TRIP12: variants seen among roughly 807,000 people sequenced by gnomAD.
TRIP12 encodes E3 ubiquitin-protein ligase TRIP12.
In TRIP12, 25 loss-of-function variants were observed where a neutral mutation model predicts 244.2. That is an observed-to-expected ratio of 0.10 (90% CI 0.07 to 0.14). The LOEUF is 0.14. Among genes scored for constraint, TRIP12 ranks in the 10% least tolerant of loss-of-function variants. TRIP12 has a pLI of 1.00. For missense variants in TRIP12, 1,677 were observed against 2,486.4 expected, an observed-to-expected ratio of 0.67 and a Z score of 6.92; for synonymous variants, 905 against 873.1, an observed-to-expected ratio of 1.04 and a Z score of -0.64.
chr2:229,815,494 T>C (rs565351349), intron 9 of TRIP12, among the ~76,000 whole-genome samples, 186 bp from the exon 10 acceptor site: 6 of 151,522 alleles, frequency 4.0e-5, no homozygotes, highest in Non-Finnish European at 8.8e-5. Flanking sequence ...GGATGGTTCA[T>C]CACACACGGT....
At chr2:229,877,507 T>A (rs1236448034) in intron 2 of TRIP12, among the ~76,000 whole-genome samples, 1 of 152,212 alleles carries the variant, frequency 6.6e-6, no homozygotes, top group African/African-American at 2.4e-5. Flanking sequence ...CACTCCGGCC[T>A]GAGTGACAGA....
At chr2:229,858,735 T>G in intron 4 of TRIP12, 37 bp downstream of exon 4, 1 of 1,517,368 alleles carries the variant, frequency 6.6e-7, no homozygotes, top group Non-Finnish European at 8.8e-7. Context: ...AGAGAAACTT[T>G]CTTTAATTAA....
intron 14 of TRIP12, 22 bp from the exon 15 acceptor site, chr2:229,811,067 G>A (rs181455200): frequency 1.9e-6 from 3 of 1,613,516 alleles, no homozygotes; most frequent in Middle Eastern, 3.3e-4. Flanking sequence ...CAAGAATAAA[G>A]GAATTATTAC....
At chr2:229,852,772 G>T (rs145769673) in intron 4 of TRIP12, among the ~76,000 whole-genome samples, 2 of 152,208 alleles carry the variant, frequency 1.3e-5, no homozygotes, top group African/African-American at 4.8e-5. Context: ...GTGCCTCGCC[G>T]GGAACTTGTT....
chr2:229,768,529 AG>A, intron 41 of TRIP12, 86 bp downstream of exon 41: 1 of 1,224,638 alleles, frequency 8.2e-7, no homozygotes, highest in Non-Finnish European at 1.2e-6. Context: ...AGTGAGATAA[AG>A]AATCTCCTGC....
intron 1 of TRIP12, among the ~76,000 whole-genome samples, chr2:229,903,889 G>A (rs989517153): frequency 6.7e-6 from 1 of 149,228 alleles, no homozygotes; most frequent in African/African-American, 2.5e-5. Flanking sequence ...AAAAAAATTA[G>A]CCAGGCATCG....
Position 229,804,146 on chromosome 2 carries a change from T to C in TRIP12, c.2732A>G (p.Lys911Arg). 6.2e-7 allele frequency: 1 copy of C among 1,614,132 alleles called. No homozygotes were observed. The highest frequency in any genetic ancestry group is 8.5e-7 in the Non-Finnish European group (1 of 1,180,004). Reference sequence around the variant, plus strand: ...TTCATAAAGAACACCAAATAATGTCTTAATAAAAGACTTAGCCAGTTCCGG... The same window carrying C: ...TTCATAAAGAACACCAAATAATGTCCTAATAAAAGACTTAGCCAGTTCCGG... ...EDPELAKSFI[K>R]TLFGVLYEVY... The change falls in exon 19 of 42, where the codon AAG (lysine) becomes AGG (arginine). Residue 911 changes from lysine to arginine, a missense_variant. Physicochemically the swap from Lys to Arg is conservative, Grantham distance 26. This residue lies in a region of TRIP12 where 572 missense variants were observed against 867.8 expected (regional missense o/e 0.66). Coordinates refer to ENST00000675903, the MANE Select transcript of TRIP12 (RefSeq NM_001348323.3).
At chr2:229,830,147 T>C (rs1016326733) in intron 7 of TRIP12, among the ~76,000 whole-genome samples, 1 of 152,244 alleles carries the variant, frequency 6.6e-6, no homozygotes, top group African/African-American at 2.4e-5. Flanking sequence ...AGGCTGCTTT[T>C]GTAAAAGCAT....
chr2:229,856,676 T>TA (rs148220705), intron 4 of TRIP12, among the ~76,000 whole-genome samples: 4,573 of 152,228 alleles, frequency 0.03, 224 homozygotes, highest in African/African-American at 0.1. Context: ...TGGCTGTGAA[T>TA]ATTACATAGC....
At chr2:229,824,275 T>A (rs1328214086) in intron 8 of TRIP12, among the ~76,000 whole-genome samples, 2 of 152,144 alleles carry the variant, frequency 1.3e-5, no homozygotes, top group Non-Finnish European at 2.9e-5. Flanking sequence ...AAGTTAATAT[T>A]AGAGAAACAA....
At chr2:229,772,388 A>G (rs1294385856) in intron 38 of TRIP12, among the ~76,000 whole-genome samples, 8 of 152,242 alleles carry the variant, frequency 5.3e-5, no homozygotes, top group Non-Finnish European at 1.0e-4. Flanking sequence ...AAGAAACAGG[A>G]TAAGAAGACA....
At chr2:229,795,098 C>T (rs554043509) in intron 26 of TRIP12, 81 bp downstream of exon 26, 1 of 1,515,164 alleles carries the variant, frequency 6.6e-7, no homozygotes, top group South Asian at 1.3e-5. Flanking sequence ...CAAGACTTTA[C>T]CAGACCTCTT....
chr2:229,827,304 A>T (rs1035989101), intron 8 of TRIP12, among the ~76,000 whole-genome samples: 18 of 152,094 alleles, frequency 1.2e-4, no homozygotes, highest in African/African-American at 4.3e-4. Context: ...AAAAGAAAAA[A>T]GAAATTAACT....
At position 229,845,673 on chromosome 2, in the gene TRIP12, T is replaced by C. The variant is rs180954304; in HGVS notation, c.1028-4746A>G. Among the ~76,000 whole-genome samples, 60 of 152,166 alleles carry C rather than the reference T, an allele frequency of 3.9e-4. 1 individual carries two copies. In the Middle Eastern group the frequency reaches 0.01, roughly 26 times the overall value. On this transcript the variant is annotated intron_variant, in intron 4 of 41. Coordinates refer to ENST00000675903, the MANE Select transcript of TRIP12 (RefSeq NM_001348323.3). ...ATCTTAAGGGTAGATATCAAAAAAA[T>C]TGCTACAAGTCATTTACATTTATAG...
intron 1 of TRIP12, among the ~76,000 whole-genome samples, chr2:229,899,081 G>C (rs1374963028): frequency 6.6e-6 from 1 of 152,096 alleles, no homozygotes; most frequent in Non-Finnish European, 1.5e-5. Context: ...AAAACATTAA[G>C]AAACCAGTAA....
At chr2:229,839,906 G>C (rs777205346) in intron 5 of TRIP12, among the ~76,000 whole-genome samples, 17 of 152,152 alleles carry the variant, frequency 1.1e-4, no homozygotes, top group Non-Finnish European at 2.5e-4. Flanking sequence ...TTGAAAGTGA[G>C]ATCTACAGCA....
intron 13 of TRIP12, among the ~76,000 whole-genome samples, chr2:229,812,400 AT>A (rs1156852894): frequency 6.6e-6 from 1 of 152,236 alleles, no homozygotes; most frequent in Non-Finnish European, 1.5e-5. Context: ...TTTTTTAAAA[AT>A]AAACACATAA....
At chr2:229,877,128 C>T (rs1011873771) in intron 2 of TRIP12, among the ~76,000 whole-genome samples, 1 of 152,020 alleles carries the variant, frequency 6.6e-6, no homozygotes, top group Non-Finnish European at 1.5e-5. Flanking sequence ...TACTGGCAGG[C>T]GCCTGTCTTC....
chr2:229,853,947 T>C (rs1247592608), intron 4 of TRIP12, among the ~76,000 whole-genome samples: 1 of 152,224 alleles, frequency 6.6e-6, no homozygotes, highest in Non-Finnish European at 1.5e-5. Context: ...TGTATTAATA[T>C]TGACATTTTT....
Sources: allele counts gnomAD v4.1 joint callset (sites outside exome capture counted in the v4.1 genomes callset), GRCh38; gene constraint gnomAD v4.1.1; regional missense constraint gnomAD v4.1.1; transcripts MANE v1.5; gene names NCBI Gene and HGNC (gene_info 2026-07-23, HGNC 2026-07-21).